ITGA10: variants seen among roughly 807,000 people sequenced by gnomAD.
The protein encoded by ITGA10 is integrin subunit alpha 10.
A neutral mutation model predicts 145.2 loss-of-function variants in ITGA10; 105 were observed. The ratio of observed to expected loss-of-function variants is 0.72; its 90% CI spans 0.62 to 0.85. ITGA10 has a LOEUF of 0.85. Among genes scored for constraint, ITGA10 ranks in the 40% least tolerant of loss-of-function variants. The pLI is 0.00. For missense variants in ITGA10, 1,317 were observed against 1,444.5 expected, an observed-to-expected ratio of 0.91 and a Z score of 1.43; for synonymous variants, 506 against 557.8, an observed-to-expected ratio of 0.91 and a Z score of 1.31.
rs782519350 is a variant in ITGA10 at position 145,897,312 on chromosome 1, C to A, written c.2602G>T (p.Ala868Ser). ...QRESPIKVEC[A>S]APSAHARLCS... Reference sequence around the variant, plus strand: ...AGCCGGGCATGAGCAGAAGGGGCGGCACATTCCACCTTTATTGGGCTCTCT... The same window carrying A: ...AGCCGGGCATGAGCAGAAGGGGCGGAACATTCCACCTTTATTGGGCTCTCT... Residue 868 changes from alanine to serine, a missense_variant, in exon 21 of 30, where the codon GCC (alanine) becomes TCC (serine). Transcript: ENST00000369304. 1.9e-6 allele frequency: 3 copies of A among 1,614,134 alleles called. No homozygotes were observed. In the South Asian group the frequency reaches 3.3e-5, roughly 18 times the overall value.
rs1480279578 is a variant in ITGA10, at chr1:145,892,680, G to A, written c.*118C>T. 5.4e-6 allele frequency: 4 copies of A among 741,812 alleles called. No homozygotes were observed. Among genetic ancestry groups the A allele is most frequent in the Non-Finnish European group, 7.1e-6 (3 of 425,226 alleles). The allele number at this position is 741,812 out of a possible 1,614,324, so 46.0% of individuals were successfully genotyped here. Reference sequence around the variant, plus strand: ...ACTCAAAAGTCAAGTCAGGCTGCTGGTCTGGGGAGATAGTCCAGAGGCGGC... The same window carrying A: ...ACTCAAAAGTCAAGTCAGGCTGCTGATCTGGGGAGATAGTCCAGAGGCGGC... On this transcript the variant is annotated 3_prime_UTR_variant, in exon 30 of 30. Coordinates refer to ENST00000369304, the MANE Select transcript of ITGA10 (RefSeq NM_003637.5).
chr1:145,893,079 A>G, intron 29 of ITGA10, 82 bp downstream of exon 29: 1 of 1,142,940 alleles, frequency 8.7e-7, no homozygotes, highest in Non-Finnish European at 1.3e-6. Flanking sequence ...GCCCAGCACA[A>G]ATCCTGTTCT....
At position 145,893,597 on chromosome 1, in the gene ITGA10, C is replaced by A. The variant is rs142193785; in HGVS notation, c.3267G>T (p.Glu1089Asp). 1.1e-3 allele frequency: 1,845 copies of A among 1,613,366 alleles called. 2 individuals carry two copies. Among genetic ancestry groups the A allele is most frequent in the Admixed American group, 3.0e-3 (179 of 59,944 alleles). ...GGACACTGCCCTCTTCGGTTCCCAG[C>A]TCAAAGGTGCTGACCACCGTCAGGG... Reference protein sequence around the residue: ...FKSLTVVSTFELGTEEGSVLQ... With the variant: ...FKSLTVVSTFDLGTEEGSVLQ... The change falls in exon 28 of 30, where the codon GAG (glutamate) becomes GAT (aspartate). Residue 1089 changes from glutamate (E) to aspartate (D), a missense_variant. By Grantham distance (45) the Glu-to-Asp change is conservative. Coordinates refer to ENST00000369304, the MANE Select transcript of ITGA10 (RefSeq NM_003637.5).
chr1:145,907,108 C>A lies in ITGA10; in HGVS notation c.207G>T (p.Arg69=). 1.9e-6 allele frequency: 3 copies of A among 1,564,270 alleles called. No homozygotes were observed. The highest frequency in any genetic ancestry group is 1.9e-5 in the Admixed American group (1 of 52,248). ...GAPWDGPSGD[R]RGDVYRCPVG... ...CAGGGCAGCGATAAACGTCCCCCCTCCGGTCGCCTGAAGGCCCATCCCAGG... is the reference window on the plus strand; with the variant it reads ...CAGGGCAGCGATAAACGTCCCCCCTACGGTCGCCTGAAGGCCCATCCCAGG... The change falls in exon 3 of 30, where the codon CGG becomes CGT. Residue 69 remains arginine (R), a synonymous_variant. Transcript: ENST00000369304.
At position 145,901,656 on chromosome 1, in the gene ITGA10, C is replaced by T; in HGVS notation, c.1303G>A (p.Val435Ile). 6.4e-7 allele frequency: 1 copy of T among 1,571,752 alleles called. No homozygotes were observed. The change falls in exon 12 of 30, where the codon GTT becomes ATT. Residue 435 changes from valine to isoleucine, a missense_variant. Val to Ile is a conservative substitution (Grantham distance 29). Transcript: ENST00000369304. The surrounding 1 kb of genome is among the most constrained non-coding windows in gnomAD (Gnocchi z 4.3). The part of the protein sequence containing the change: ...QNHAAYLGYS[V>I]SSMLLRGGRR... The stretch of plus-strand genomic sequence containing the variant: ...CCACCCCGCAAAAGCATGGAAGAAA[C>T]AGAGTAACCTAGAAGTGGGCAAAGT...
rs369785952 is a variant in ITGA10 at position 145,899,349 on chromosome 1, C to T, written c.1923-8G>A. On this transcript the variant is annotated splice_region_variant and splice_polypyrimidine_tract_variant and intron_variant, in intron 15 of 29. Transcript: ENST00000369304. The stretch of plus-strand genomic sequence containing the variant: ...TGGACAATGGGCCGGGAGCTGGGAA[C>T]AGTGTGGAAAAGAAATTCTAGCAGT... 1 of 1,612,404 alleles carries T rather than the reference C, an allele frequency of 6.2e-7. No homozygotes were observed. The highest frequency in any genetic ancestry group is 8.5e-7 in the Non-Finnish European group (1 of 1,179,022).
In ITGA10 at chr1:145,896,964, G is replaced by C. The variant is rs189789515; in HGVS notation, c.2744+47C>G. 4 of 1,564,748 alleles carry C rather than the reference G, an allele frequency of 2.6e-6. No individual in the cohort carries two copies. In the East Asian group the frequency reaches 9.0e-5, roughly 35 times the overall value. On this transcript the variant is annotated intron_variant, in intron 22 of 29. Coordinates refer to ENST00000369304, the MANE Select transcript of ITGA10 (RefSeq NM_003637.5). ...TGTTCCTCCCCACCCCTCCAGTCAA[G>C]ACTCAGTAGGAGGAGAGGTCTGGAA...
Position 145,900,542 on chromosome 1 carries a change from C to T in ITGA10, c.1791+248G>A, listed in dbSNP as rs183452258. Among the ~76,000 whole-genome samples, 10 of 152,144 alleles carry T rather than the reference C, an allele frequency of 6.6e-5. 1 individual carries two copies. The highest frequency in any genetic ancestry group is 1.9e-4 in the East Asian group (1 of 5,174). On this transcript the variant is annotated intron_variant, in intron 14 of 29. Transcript: ENST00000369304. ...CCTTCCAAAGTGCTGGGATTACAGGCGTGAACCACCACACCCGGCCATGCC... is the reference window on the plus strand; with the variant it reads ...CCTTCCAAAGTGCTGGGATTACAGGTGTGAACCACCACACCCGGCCATGCC...
At chr1:145,896,985 T>C in intron 22 of ITGA10, 26 bp downstream of exon 22, 1 of 1,601,986 alleles carries the variant, frequency 6.2e-7, no homozygotes. Flanking sequence ...AGGAGAGGTC[T>C]GGAAGAAAGT....
intron 5 of ITGA10, chr1:145,906,096 A>AT (rs781863342): frequency 0.027 from 6,880 of 253,784 alleles, 9 homozygotes; most frequent in South Asian, 0.062. Context: ...TAATTTTTGT[A>AT]TTTTTTTTTT....
rs1656043080 is a variant in ITGA10 at position 145,900,118 on chromosome 1, G to T, written c.1861C>A (p.Leu621Met). The T allele has an allele frequency of 6.2e-7, 1 of 1,614,124 alleles. No homozygotes were observed. The highest frequency in any genetic ancestry group is 8.5e-7 in the Non-Finnish European group (1 of 1,180,008). ...FGRSVDGRLDLDGDDLVDVAV... is the reference protein window; with the variant it reads ...FGRSVDGRLDMDGDDLVDVAV... ...ACATCGACCAGATCATCTCCATCCA[G>T]ATCTAGCCGACCATCCACACTTCGG... The change falls in exon 15 of 30, where the codon CTG becomes ATG. Residue 621 changes from leucine to methionine, a missense_variant. Physicochemically the swap from Leu to Met is conservative, Grantham distance 15. Coordinates refer to ENST00000369304, the MANE Select transcript of ITGA10 (RefSeq NM_003637.5).
At chr1:145,905,782 TA>T (rs1657052450) in intron 5 of ITGA10, 1 of 152,242 alleles carries the variant, frequency 6.6e-6, no homozygotes, top group African/African-American at 2.4e-5. Flanking sequence ...GGGGTCTCTC[TA>T]TGTTGCCCAG....
Position 145,901,438 on chromosome 1 carries a change from T to TA in ITGA10, c.1443+77dup. The stretch of plus-strand genomic sequence containing the variant: ...GCACAGACTTTGGAGGCCTCTCTCT[T>TA]ACCCACTTCACACTCCTCCCCAACA... On this transcript the variant is annotated intron_variant, in intron 12 of 29. Coordinates refer to ENST00000369304, the MANE Select transcript of ITGA10 (RefSeq NM_003637.5). This position sits in a 1 kb window ranked among gnomAD's most constrained non-coding sequence, Gnocchi z 4.3. 1 of 1,497,718 alleles carries TA rather than the reference T, an allele frequency of 6.7e-7. No individual in the cohort carries two copies. 92.8% of individuals were successfully genotyped at this position (1,497,718 alleles called of 1,614,324 possible). A position where few individuals can be genotyped will look rare whatever the true frequency, so the allele number is the denominator to read the frequency against.
chr1:145,906,506 G>A lies in ITGA10; in HGVS notation c.369C>T (p.Ala123=). Residue 123 remains alanine (A), a splice_region_variant and synonymous_variant, in exon 5 of 30, where the codon GCC becomes GCT. Transcript: ENST00000369304. ...LETDGDGGFM[A]CAPLWSRACG... ...AAGCACGAGACCAGAGAGGGGCACA[G>A]GCCTGGGGATGGGGGAAATAGTTAC... 6.2e-7 allele frequency: 1 copy of A among 1,613,642 alleles called. No individual in the cohort carries two copies. Among genetic ancestry groups the A allele is most frequent in the Non-Finnish European group, 8.5e-7 (1 of 1,179,560 alleles).
At chr1:145,895,780 A>T in intron 25 of ITGA10, 69 bp from the exon 26 acceptor site, 1 of 1,352,152 alleles carries the variant, frequency 7.4e-7, no homozygotes, top group Non-Finnish European at 1.1e-6. Context: ...CTGAGTTGGA[A>T]CATACCTACA....
At chr1:145,896,394 A>G (rs1553745111) in intron 23 of ITGA10, 42 bp from the exon 24 acceptor site, 1 of 1,463,994 alleles carries the variant, frequency 6.8e-7, no homozygotes, top group Non-Finnish European at 9.6e-7. Context: ...TCACAGCCAT[A>G]ACACAGACAC....
intron 4 of ITGA10, 102 bp downstream of exon 4, chr1:145,906,631 A>T (rs1334604517): frequency 7.8e-7 from 1 of 1,278,652 alleles, no homozygotes; most frequent in African/African-American, 1.5e-5. Flanking sequence ...TAGGGTTTTT[A>T]ACTCCTTGAC....
rs1553746692 is a variant in ITGA10, at chr1:145,899,091, G to A, written c.2090-13C>T. 6.2e-6 allele frequency: 10 copies of A among 1,614,258 alleles called. No homozygotes were observed. The highest frequency in any genetic ancestry group is 7.6e-6 in the Non-Finnish European group (9 of 1,180,054). On this transcript the variant is annotated splice_polypyrimidine_tract_variant and intron_variant, in intron 16 of 29. Transcript: ENST00000369304. Reference sequence around the variant, plus strand: ...GTGAACCTCATGTCTGAATGAAGGAGGCAAGAGTGAGGGTGGAAAGGGGTC... The same window carrying A: ...GTGAACCTCATGTCTGAATGAAGGAAGCAAGAGTGAGGGTGGAAAGGGGTC...
intron 25 of ITGA10, 128 bp from the exon 26 acceptor site, chr1:145,895,839 C>T: frequency 9.7e-7 from 1 of 1,025,760 alleles, no homozygotes; most frequent in Non-Finnish European, 1.5e-6. Flanking sequence ...CTCTAATAAG[C>T]CACATGTGTA....
Sources: allele counts gnomAD v4.1 joint callset (sites outside exome capture counted in the v4.1 genomes callset), GRCh38; gene constraint gnomAD v4.1.1; non-coding constraint Gnocchi (gnomAD v3.1); transcripts MANE v1.5; gene names NCBI Gene and HGNC (gene_info 2026-07-23, HGNC 2026-07-21).